Variants in INSL6 observed in about 807,000 individuals in gnomAD.
INSL6 encodes insulin-like peptide INSL6.
In INSL6, 16 loss-of-function variants were observed where a neutral mutation model predicts 9.4. That is an observed-to-expected ratio of 1.70 (90% CI 1.15 to 2.59). The LOEUF (loss-of-function observed/expected upper bound fraction) is 2.59. Ranked by LOEUF, INSL6 falls within the 30% of genes most tolerant of loss-of-function variation. The probability of loss-of-function intolerance (pLI) is 0.00; values close to 1 mark genes in which losing one functional copy is unlikely to be tolerated. For synonymous variants in INSL6, 154 were observed against 96.9 expected (o/e 1.59, Z -3.46); for missense variants, 391 against 257.3 (o/e 1.52, Z -3.56).
chr9:5,000,579 G>A, the INSL6 span, among the ~76,000 whole-genome samples: 3 of 152,082 alleles, frequency 2.0e-5, no homozygotes, highest in South Asian at 4.1e-4. Context: ...GCTTTGTTAT[G>A]CCAACTTTTA....
the INSL6 span, among the ~76,000 whole-genome samples, chr9:5,073,326 G>GT: frequency 1.3e-5 from 2 of 152,182 alleles, no homozygotes; most frequent in East Asian, 3.8e-4. Context: ...TCTTTAGCAA[G>GT]TGTTATTTAA....
At chr9:5,123,229 G>A (rs949653212), downstream of INSL6, 2 of 650,912 alleles carry the variant, frequency 3.1e-6, no homozygotes, top group Non-Finnish European at 5.4e-6. Context: ...GCATAGTGGT[G>A]AAGTCAGAGC....
the INSL6 span, among the ~76,000 whole-genome samples, chr9:5,063,968 C>T: frequency 3.6e-3 from 545 of 152,216 alleles, 2 homozygotes; most frequent in East Asian, 9.1e-3. Context: ...CCAGCCTGGC[C>T]AACATGTTGA....
At chr9:4,998,650 TC>T in the INSL6 span, among the ~76,000 whole-genome samples, 1 of 151,898 alleles carries the variant, frequency 6.6e-6, no homozygotes, top group Non-Finnish European at 1.5e-5. Context: ...ATCTGGCTTT[TC>T]CTACAAATGT....
At chr9:5,006,635 A>G in the INSL6 span, among the ~76,000 whole-genome samples, 1 of 152,170 alleles carries the variant, frequency 6.6e-6, no homozygotes, top group Non-Finnish European at 1.5e-5. Context: ...AGCAACAGGA[A>G]AGAGACAGCA....
intron 2 of INSL6, among the ~76,000 whole-genome samples, chr9:5,135,419 G>A (rs1731568450): frequency 6.6e-6 from 1 of 152,102 alleles, no homozygotes; most frequent in Non-Finnish European, 1.5e-5. Flanking sequence ...AATCATAACA[G>A]TCTCTCATAT....
chr9:5,066,263 T>C, the INSL6 span, among the ~76,000 whole-genome samples: 26 of 152,270 alleles, frequency 1.7e-4, no homozygotes, highest in Admixed American at 1.2e-3. Context: ...AATAATAAAA[T>C]CATGCATTCA....
the INSL6 span, among the ~76,000 whole-genome samples, chr9:5,024,305 T>C: frequency 6.6e-6 from 1 of 152,184 alleles, no homozygotes; most frequent in African/African-American, 2.4e-5. Flanking sequence ...GCATGTAAGA[T>C]TTTGCTTTAG....
At chr9:5,131,591 C>A (rs1005103361) in intron 3 of INSL6, among the ~76,000 whole-genome samples, 1 of 152,016 alleles carries the variant, frequency 6.6e-6, no homozygotes, top group African/African-American at 2.4e-5. Flanking sequence ...GTGCCCGCCA[C>A]CACGCCCGGC....
At chr9:5,003,386 TA>T in the INSL6 span, among the ~76,000 whole-genome samples, 1 of 152,058 alleles carries the variant, frequency 6.6e-6, no homozygotes, top group Admixed American at 6.5e-5. Context: ...AGCTAGCATT[TA>T]TTTTTTGTAG....
chr9:5,086,650 C>T, the INSL6 span, among the ~76,000 whole-genome samples: 1 of 152,086 alleles, frequency 6.6e-6, no homozygotes, highest in Non-Finnish European at 1.5e-5. Context: ...TAAATGAGTT[C>T]CTTTGAACTC....
the INSL6 span, among the ~76,000 whole-genome samples, chr9:5,061,041 T>C: frequency 6.6e-6 from 1 of 152,198 alleles, no homozygotes; most frequent in Non-Finnish European, 1.5e-5. Context: ...AAAGCAATCT[T>C]TTTTTCTGAG....
the INSL6 span, among the ~76,000 whole-genome samples, chr9:5,101,547 T>G: frequency 1.4e-4 from 22 of 152,348 alleles, no homozygotes; most frequent in Admixed American, 3.9e-4. Flanking sequence ...GCATGGTGTT[T>G]GAGCTCTGAC....
At chr9:5,050,685 G>C in the INSL6 span, 1 of 1,610,342 alleles carries the variant, frequency 6.2e-7, no homozygotes, top group Non-Finnish European at 8.5e-7. Flanking sequence ...TTTGGTTTTA[G>C]TGGCGGCATG....
the INSL6 span, among the ~76,000 whole-genome samples, chr9:5,091,765 G>A: frequency 6.6e-6 from 1 of 152,132 alleles, no homozygotes; most frequent in African/African-American, 2.4e-5. Flanking sequence ...CTTAAGTCGG[G>A]GGGCTGAATG....
At chr9:5,138,874 T>A (rs950463342) in intron 2 of INSL6, among the ~76,000 whole-genome samples, 1 of 151,802 alleles carries the variant, frequency 6.6e-6, no homozygotes, top group African/African-American at 2.4e-5. Flanking sequence ...CCCCAAGTAC[T>A]CTTCTGTCGG....
chr9:5,019,355 T>C, the INSL6 span, among the ~76,000 whole-genome samples: 1 of 152,114 alleles, frequency 6.6e-6, no homozygotes, highest in South Asian at 2.1e-4. Flanking sequence ...ATTAAATGAA[T>C]TCTTCAGTTT....
the INSL6 span, chr9:5,111,720 A>T: frequency 2.3e-6 from 1 of 433,548 alleles, no homozygotes; most frequent in South Asian, 1.7e-5. Context: ...CTGCACCAGC[A>T]CGAGCGCGTG....
chr9:5,163,908 G>C lies in INSL6; in HGVS notation c.*5C>G. 1 of 1,556,476 alleles carries C rather than the reference G, an allele frequency of 6.4e-7. No individual in the cohort carries two copies. Among genetic ancestry groups the C allele is most frequent in the African/African-American group, 1.4e-5 (1 of 73,856 alleles). ...TTTATTAGGTTAGAAAAAATTCTAA[G>C]ATGGTTAGTATATCTTAGTTACAAG... On this transcript the variant is annotated 3_prime_UTR_variant, in exon 2 of 2. Coordinates refer to ENST00000381641, the MANE Select transcript of INSL6 (RefSeq NM_007179.3).
Sources: gnomAD v4.1 joint callset for allele counts (sites outside exome capture counted in the v4.1 genomes callset) on GRCh38, gnomAD v4.1.1 for gene constraint, MANE v1.5 for transcripts, NCBI Gene and HGNC (gene_info 2026-07-23, HGNC 2026-07-21) for gene names.